Variants in SOX5 observed in about 807,000 individuals in gnomAD.
SOX5 encodes transcription factor SOX-5.
In SOX5, 9 loss-of-function variants were observed where a neutral mutation model predicts 92.0. The observed-to-expected ratio is 0.10, with a 90% CI of 0.06 to 0.17. The LOEUF is 0.17. Ranked by LOEUF, SOX5 falls within the 10% of genes least tolerant of loss-of-function variation. The pLI, the probability that SOX5 is intolerant of heterozygous loss-of-function variation, is 1.00. For synonymous variants in SOX5, 344 were observed against 336.3 expected, an observed-to-expected ratio of 1.02 and a Z score of -0.25; for missense variants, 642 against 944.5, an observed-to-expected ratio of 0.68 and a Z score of 4.20.
At chr12:23,744,314 A>G (rs1567408988) in intron 4 of SOX5, among the ~76,000 whole-genome samples, 1 of 152,196 alleles carries the variant, frequency 6.6e-6, no homozygotes, top group Non-Finnish European at 1.5e-5. Flanking sequence ...TTCACATTCA[A>G]TGAAATAATA....
chr12:23,973,163 T>TTC (rs1335041528), intron 4 of SOX5, among the ~76,000 whole-genome samples: 2 of 145,364 alleles, frequency 1.4e-5, no homozygotes, highest in East Asian at 4.0e-4. Context: ...CTTTTTTCTT[T>TTC]TTTTTTTTTT....
intron 1 of SOX5, among the ~76,000 whole-genome samples, chr12:24,444,650 T>C (rs777621893): frequency 6.6e-5 from 10 of 152,150 alleles, no homozygotes; most frequent in Admixed American, 2.6e-4. Flanking sequence ...CTCTGGGAAC[T>C]GCCTTTGGTG....
intron 3 of SOX5, among the ~76,000 whole-genome samples, chr12:23,811,769 G>A (rs1434400031): frequency 6.6e-6 from 1 of 152,050 alleles, no homozygotes; most frequent in Admixed American, 6.6e-5. Context: ...GGAAAGCCAA[G>A]TTCTAGGCAC....
At chr12:24,172,727 G>C (rs1020187397) in intron 4 of SOX5, among the ~76,000 whole-genome samples, 7 of 152,136 alleles carry the variant, frequency 4.6e-5, no homozygotes, top group Admixed American at 4.6e-4. Context: ...TGTCCCCACT[G>C]TGAAGAGGAT....
At chr12:23,597,513 G>T (rs1952674245) in intron 9 of SOX5, among the ~76,000 whole-genome samples, 1 of 152,136 alleles carries the variant, frequency 6.6e-6, no homozygotes, top group South Asian at 2.1e-4. Context: ...GGGTTCTGTT[G>T]ATAACATTTC....
At chr12:23,802,053 A>C (rs1298980099) in intron 3 of SOX5, among the ~76,000 whole-genome samples, 1 of 152,026 alleles carries the variant, frequency 6.6e-6, no homozygotes, top group Non-Finnish European at 1.5e-5. Flanking sequence ...CGGAACATTT[A>C]ATTCTTTTCT....
intron 1 of SOX5, among the ~76,000 whole-genome samples, chr12:24,457,222 C>A (rs1943115445): frequency 6.6e-6 from 1 of 152,180 alleles, no homozygotes; most frequent in African/African-American, 2.4e-5. Context: ...CCAGATGTGA[C>A]TAAGACTCCA....
chr12:24,071,840 TTA>T (rs1941837488), intron 4 of SOX5, among the ~76,000 whole-genome samples: 1 of 152,218 alleles, frequency 6.6e-6, no homozygotes, highest in African/African-American at 2.4e-5. Context: ...GAGGGGTAGA[TTA>T]TGTTTTGAAA....
chr12:23,669,180 T>G (rs1202741857), intron 6 of SOX5, among the ~76,000 whole-genome samples: 1 of 152,152 alleles, frequency 6.6e-6, no homozygotes, highest in Non-Finnish European at 1.5e-5. Flanking sequence ...ATAATTATAA[T>G]GTACTACTGT....
At chr12:23,636,418 G>A (rs1176319704) in intron 8 of SOX5, among the ~76,000 whole-genome samples, 1 of 152,082 alleles carries the variant, frequency 6.6e-6, no homozygotes, top group East Asian at 1.9e-4. Flanking sequence ...CATTTTGCTT[G>A]TCTTTTAAAA....
At chr12:24,507,081 C>T (rs1188564397) in intron 1 of SOX5, among the ~76,000 whole-genome samples, 1 of 151,996 alleles carries the variant, frequency 6.6e-6, no homozygotes, top group Non-Finnish European at 1.5e-5. Flanking sequence ...TCAGCCACCG[C>T]GCCCGGCCCA....
At chr12:24,312,849 A>C (rs531484468) in intron 2 of SOX5, among the ~76,000 whole-genome samples, 1 of 152,330 alleles carries the variant, frequency 6.6e-6, no homozygotes, top group South Asian at 2.1e-4. Flanking sequence ...CTTAAAGGTC[A>C]CTGCTTGCAC....
chr12:24,204,274 G>C (rs373662907), intron 4 of SOX5, among the ~76,000 whole-genome samples: 10 of 151,758 alleles, frequency 6.6e-5, no homozygotes, highest in African/African-American at 2.4e-4. Flanking sequence ...ACAATGTCAT[G>C]ATGAATAATC....
intron 3 of SOX5, among the ~76,000 whole-genome samples, chr12:23,804,244 G>A (rs544181791): frequency 3.9e-5 from 6 of 152,184 alleles, no homozygotes; most frequent in Middle Eastern, 3.4e-3. Context: ...ATGGGTGGCT[G>A]CATCATATTA....
At chr12:24,240,891 G>C (rs1965436405) in intron 3 of SOX5, among the ~76,000 whole-genome samples, 2 of 152,150 alleles carry the variant, frequency 1.3e-5, no homozygotes, top group Non-Finnish European at 2.9e-5. Flanking sequence ...TTAGTGTACA[G>C]ATTTTTCTTA....
chr12:24,469,369 T>C (rs1944555853), intron 1 of SOX5, among the ~76,000 whole-genome samples: 1 of 152,210 alleles, frequency 6.6e-6, no homozygotes, highest in South Asian at 2.1e-4. Flanking sequence ...GTTGGGGACC[T>C]GATCTAAACT....
intron 3 of SOX5, among the ~76,000 whole-genome samples, chr12:23,790,392 A>G (rs560997039): frequency 6.6e-6 from 1 of 152,314 alleles, no homozygotes; most frequent in South Asian, 2.1e-4. Flanking sequence ...AATTCTGTCA[A>G]GAACTCGATA....
chr12:24,094,241 C>G (rs1409060231), intron 4 of SOX5, among the ~76,000 whole-genome samples: 4 of 152,156 alleles, frequency 2.6e-5, no homozygotes, highest in Non-Finnish European at 4.4e-5. Flanking sequence ...GCCACCACAC[C>G]CAGCGAAATT....
intron 4 of SOX5, among the ~76,000 whole-genome samples, chr12:24,014,502 G>A (rs577022376): frequency 1.3e-5 from 2 of 152,242 alleles, no homozygotes; most frequent in East Asian, 3.9e-4. Context: ...CACCACACAT[G>A]TCTGAACGAA....
Sources: allele counts gnomAD v4.1 joint callset (sites outside exome capture counted in the v4.1 genomes callset), GRCh38; gene constraint gnomAD v4.1.1; transcripts MANE v1.5; gene names NCBI Gene and HGNC (gene_info 2026-07-23, HGNC 2026-07-21).